The following GNL3L variants were observed in gnomAD, a reference collection of about 807,000 sequenced individuals.
The protein encoded by GNL3L is G protein nucleolar 3 like.
In GNL3L, 4 loss-of-function variants were observed where a neutral mutation model predicts 42.9. The ratio of observed to expected loss-of-function variants is 0.09; its 90% CI spans 0.05 to 0.21. GNL3L has a LOEUF of 0.21. Ranked by LOEUF, GNL3L falls within the 10% of genes least tolerant of loss-of-function variation. The probability of loss-of-function intolerance (pLI) is 1.00; values close to 1 mark genes in which losing one functional copy is unlikely to be tolerated. For missense variants in GNL3L, 412 were observed against 481.7 expected (o/e 0.86, Z 1.36); for synonymous variants, 159 against 176.3 (o/e 0.90, Z 0.78).
downstream of GNL3L, among the ~76,000 whole-genome samples, chrX:54,625,599 A>G (rs1005087490): frequency 3.6e-5 from 4 of 110,855 alleles, no homozygotes; most frequent in African/African-American, 1.3e-4. Flanking sequence ...GTGCATATAT[A>G]TTTGTAAGGG....
intron 16 of GNL3L, among the ~76,000 whole-genome samples, chrX:54,591,103 T>C (rs1401674992): frequency 9.0e-6 from 1 of 111,302 alleles, no homozygotes; most frequent in Admixed American, 9.6e-5. Context: ...AGTGCTGGAA[T>C]TACAGGCGTG....
intron 14 of GNL3L, among the ~76,000 whole-genome samples, chrX:54,557,054 C>G (rs866240653): frequency 9.2e-6 from 1 of 109,138 alleles, no homozygotes; most frequent in Non-Finnish European, 1.9e-5. Flanking sequence ...TGGTGATGCA[C>G]GCCTATAATC....
chrX:54,551,915 G>C lies in GNL3L; in HGVS notation c.1122G>C (p.Lys374Asn). 2 of 1,212,027 alleles carry C rather than the reference G, an allele frequency of 1.7e-6. No homozygotes were observed. The highest frequency in any genetic ancestry group is 2.2e-6 in the Non-Finnish European group (2 of 895,366). Reference protein sequence around the residue: ...TAVAHRLGKKKKGGLYSQEQA... With the variant: ...TAVAHRLGKKNKGGLYSQEQA... Reference sequence around the variant, plus strand: ...TGGCCCACCGTTTGGGGAAGAAGAAGAAGGGAGGCTTATATAGTCAGGAAC... The same window carrying C: ...TGGCCCACCGTTTGGGGAAGAAGAACAAGGGAGGCTTATATAGTCAGGAAC... Residue 374 changes from lysine (K) to asparagine (N), a missense_variant, in exon 12 of 16, where the codon AAG (lysine) becomes AAC (asparagine). Transcript: ENST00000360845.
intron 16 of GNL3L, among the ~76,000 whole-genome samples, chrX:54,619,641 C>G (rs916863278): frequency 2.7e-5 from 3 of 110,711 alleles, no homozygotes; most frequent in African/African-American, 9.9e-5. Context: ...CGGATGTGAG[C>G]CACTGTGCCC....
At chrX:54,607,066 TTCTTTC>T (rs1569542620) in intron 16 of GNL3L, among the ~76,000 whole-genome samples, 5 of 56,393 alleles carry the variant, frequency 8.9e-5, no homozygotes, top group African/African-American at 5.5e-4. Flanking sequence ...CTTTCTTTCT[TTCTTTC>T]TCTTTCTTTC....
chrX:54,616,082 A>G (rs745541526), intron 16 of GNL3L, among the ~76,000 whole-genome samples: 11 of 112,906 alleles, frequency 9.7e-5, no homozygotes, highest in Non-Finnish European at 1.9e-4. Flanking sequence ...TGTGGTATCT[A>G]GCACAGAGCT....
intron 13 of GNL3L, among the ~76,000 whole-genome samples, chrX:54,554,190 G>A (rs151084190): frequency 0.011 from 1,229 of 111,068 alleles, 16 homozygotes; most frequent in African/African-American, 0.039. Context: ...CAGGCAAGGG[G>A]CCAGAGAGAG....
chrX:54,579,982 G>GA (rs1925685704), intron 16 of GNL3L, among the ~76,000 whole-genome samples: 1 of 54,826 alleles, frequency 1.8e-5, no homozygotes, highest in African/African-American at 1.7e-4. Flanking sequence ...CTGGCCTAAA[G>GA]TTTGTTTTTT....
In GNL3L at chrX:54,543,500, G is replaced by A. The variant is rs1291769994; in HGVS notation, c.526+158G>A. Among the ~76,000 whole-genome samples, 4 of 112,175 alleles carry A rather than the reference G, an allele frequency of 3.6e-5. No individual in the cohort carries two copies. The Admixed American group carries it at 3.8e-4, about 11-fold the overall frequency. On this transcript the variant is annotated intron_variant, in intron 7 of 15. Coordinates refer to ENST00000360845, the MANE Select transcript of GNL3L (RefSeq NM_001184819.2). ...CGATTTTCAAAGCCTGTATCACAGA[G>A]TATGGTACAAGTTAGGTGTGGAATC...
chrX:54,635,541 T>C, the GNL3L span, among the ~76,000 whole-genome samples: 1 of 111,376 alleles, frequency 9.0e-6, no homozygotes, highest in Admixed American at 9.5e-5. Context: ...AGGGGGTACA[T>C]TAAATTCTCC....
chrX:54,541,878 C>T (rs1205247665), intron 5 of GNL3L, among the ~76,000 whole-genome samples: 1 of 111,336 alleles, frequency 9.0e-6, no homozygotes, highest in African/African-American at 3.3e-5. Flanking sequence ...ATGCCTCCCC[C>T]ATCCTGTGTC....
At chrX:54,621,674 C>T (rs1188755801), downstream of GNL3L, among the ~76,000 whole-genome samples, 1 of 111,387 alleles carries the variant, frequency 9.0e-6, no homozygotes, top group African/African-American at 3.3e-5. Flanking sequence ...GGCATGATGG[C>T]CTGCACCCAT....
intron 16 of GNL3L, among the ~76,000 whole-genome samples, chrX:54,600,206 CTTTTTTTTTTTTTTTTTTTTTTTT>C (rs1172527598): frequency 7.5e-5 from 1 of 13,386 alleles, no homozygotes; most frequent in Non-Finnish European, 1.3e-4. Context: ...CAATCTGCTG[CTTTTTTTTTTTTTTTTTTTTTTTT>C]TTTTTTTTTT....
intron 16 of GNL3L, among the ~76,000 whole-genome samples, chrX:54,584,985 T>C (rs1050826610): frequency 8.9e-6 from 1 of 111,817 alleles, no homozygotes; most frequent in African/African-American, 3.3e-5. Context: ...GGGTTCACCA[T>C]GTTGGTCAGG....
At chrX:54,558,392 C>T in intron 14 of GNL3L, 44 bp from the exon 15 acceptor site, 1 of 955,410 alleles carries the variant, frequency 1.0e-6, no homozygotes, top group Admixed American at 2.2e-5. Flanking sequence ...TGGAGGTTCT[C>T]TGGGGGTTAA....
At chrX:54,538,876 A>G (rs1405165661) in intron 2 of GNL3L, among the ~76,000 whole-genome samples, 164 bp from the exon 3 acceptor site, 1 of 112,287 alleles carries the variant, frequency 8.9e-6, no homozygotes, top group Non-Finnish European at 1.9e-5. Flanking sequence ...TTCCTCTGAT[A>G]CTATTGCTGC....
intron 8 of GNL3L, among the ~76,000 whole-genome samples, chrX:54,546,792 A>G (rs1348149652): frequency 1.9e-5 from 2 of 105,624 alleles, no homozygotes. Flanking sequence ...GATGACAGGC[A>G]TGTGCTACCA....
In GNL3L at chrX:54,561,164, AAAG is replaced by A. The variant is rs1314561229; in HGVS notation, c.*566_*568del. 1.8e-5 allele frequency: 2 copies of A among 112,200 alleles called. No homozygotes were observed. Among genetic ancestry groups the A allele is most frequent in the East Asian group, 5.6e-4 (2 of 3,589 alleles). The allele number at this position is 112,200 out of a possible 1,213,427, so 9.2% of individuals were successfully genotyped here. A position where few individuals can be genotyped will look rare whatever the true frequency, so the allele number is the denominator to read the frequency against. On this transcript the variant is annotated 3_prime_UTR_variant, in exon 16 of 16. Coordinates refer to ENST00000360845, the MANE Select transcript of GNL3L (RefSeq NM_001184819.2). ...CCTACTCTGTTTTACAAGAGAAATA[AAAG>A]AAGTATCAGCAGAGCTCAGGTGCTA...
At chrX:54,633,997 A>G in the GNL3L span, among the ~76,000 whole-genome samples, 20 of 112,751 alleles carry the variant, frequency 1.8e-4, no homozygotes, top group African/African-American at 6.4e-4. Flanking sequence ...TGTCAGTTGT[A>G]TCAAGGATCG....
Sources: gnomAD v4.1 joint callset for allele counts (sites outside exome capture counted in the v4.1 genomes callset) on GRCh38, gnomAD v4.1.1 for gene constraint, MANE v1.5 for transcripts, NCBI Gene and HGNC (gene_info 2026-07-23, HGNC 2026-07-21) for gene names.